Variants in ADAMTSL1 observed in about 807,000 individuals in gnomAD.
ADAMTSL1 encodes the protein ADAMTS like 1, also known as ADAMTS-like protein 1.
Under a neutral mutation model 201.8 loss-of-function variants are expected in ADAMTSL1, and 126 were observed. That is an observed-to-expected ratio of 0.62 (90% CI 0.54 to 0.72). ADAMTSL1 has a LOEUF of 0.72. ADAMTSL1 is among the 30% of genes least tolerant of loss of function. The pLI is 0.00. For synonymous variants in ADAMTSL1, 1,121 were observed against 903.4 expected, an observed-to-expected ratio of 1.24 and a Z score of -4.32; for missense variants, 2,679 against 2,277.8, an observed-to-expected ratio of 1.18 and a Z score of -3.59.
Position 18,828,696 on chromosome 9 carries a change from A to ATATATATATATT in ADAMTSL1, c.4115-1147_4115-1146insTATATATATATT, listed in dbSNP as rs1384860090. ...TATATATATATATATATATATATAA[A>ATATATATATATT]ATGTGTGTGTGTGTATATATATATA... On this transcript the variant is annotated intron_variant, in intron 22 of 28. Transcript: ENST00000380548. Among the ~76,000 whole-genome samples the ATATATATATATT allele has an allele frequency of 2.9e-3, 264 of 91,028 alleles. 9 individuals carry two copies. Among genetic ancestry groups the ATATATATATATT allele is most frequent in the South Asian group, 0.011 (27 of 2,562 alleles). The allele number at this position is 91,028 out of a possible 152,430, so 59.7% of individuals were successfully genotyped here. A position where few individuals can be genotyped will look rare whatever the true frequency, so the allele number is the denominator to read the frequency against.
At chr9:18,552,326 C>T (rs1820838122) in intron 3 of ADAMTSL1, among the ~76,000 whole-genome samples, 1 of 151,772 alleles carries the variant, frequency 6.6e-6, no homozygotes, top group Non-Finnish European at 1.5e-5. Context: ...CCATATGATT[C>T]CTTCAGGTCA....
At chr9:18,222,488 T>C (rs1274274943) in intron 2 of ADAMTSL1, among the ~76,000 whole-genome samples, 1 of 151,902 alleles carries the variant, frequency 6.6e-6, no homozygotes. Context: ...TACAAATAAA[T>C]TCATTTGAAA....
In ADAMTSL1 at chr9:18,640,243, T is replaced by G. The variant is rs996954437; in HGVS notation, c.834+832T>G. Among the ~76,000 whole-genome samples, 8 of 152,142 alleles carry G rather than the reference T, an allele frequency of 5.3e-5. 1 individual carries two copies. The highest frequency in any genetic ancestry group is 1.7e-4 in the African/African-American group (7 of 41,448). ...CGTCTCCATCTGCATGGTAGTTCTT[T>G]TTAATCCAGTCCAGACGCCAGCCAC... On this transcript the variant is annotated intron_variant, in intron 7 of 28. Transcript: ENST00000380548.
intron 2 of ADAMTSL1, among the ~76,000 whole-genome samples, chr9:18,523,941 A>G (rs1428596331): frequency 1.4e-5 from 2 of 138,890 alleles, no homozygotes; most frequent in African/African-American, 2.7e-5. Context: ...TTTTGGTTCC[A>G]TATGAACTTT....
At chr9:18,845,245 C>T (rs1417173617) in intron 23 of ADAMTSL1, among the ~76,000 whole-genome samples, 7 of 152,050 alleles carry the variant, frequency 4.6e-5, no homozygotes, top group Non-Finnish European at 7.4e-5. Flanking sequence ...AGAGGAACTC[C>T]TCACAAATCT....
At chr9:18,636,997 G>T (rs1344466762) in intron 6 of ADAMTSL1, among the ~76,000 whole-genome samples, 1 of 152,084 alleles carries the variant, frequency 6.6e-6, no homozygotes, top group Non-Finnish European at 1.5e-5. Flanking sequence ...CGCTAAAAAG[G>T]CAAACAAGAG....
intron 2 of ADAMTSL1, among the ~76,000 whole-genome samples, chr9:18,236,225 C>T (rs1165303486): frequency 1.3e-5 from 2 of 152,142 alleles, no homozygotes; most frequent in African/African-American, 2.4e-5. Context: ...CACCCACCAC[C>T]ACGCCCGACT....
At position 17,913,007 on chromosome 9, in the gene ADAMTSL1, G is replaced by A. The variant is rs139440185; in HGVS notation, c.87+6085G>A. 3.1e-3 allele frequency among the ~76,000 whole-genome samples: 465 copies of A among 152,178 alleles called. 7 individuals are homozygous for A. The highest frequency in any genetic ancestry group is 0.01 in the African/African-American group (418 of 41,526). On this transcript the variant is annotated intron_variant, in intron 1 of 29. Coordinates refer to the ADAMTSL1 transcript ENST00000680146. The stretch of plus-strand genomic sequence containing the variant: ...GTTCAGATAGTTGTAGATATGTGGC[G>A]TTATTTCTGAGGGCTCTGTTCTGTT...
At chr9:18,389,699 G>A (rs982300470) in intron 2 of ADAMTSL1, among the ~76,000 whole-genome samples, 2 of 152,068 alleles carry the variant, frequency 1.3e-5, no homozygotes, top group African/African-American at 4.8e-5. Flanking sequence ...ATTAATTTCT[G>A]AACACAGGAG....
intron 1 of ADAMTSL1, among the ~76,000 whole-genome samples, chr9:18,485,774 G>A (rs1402126772): frequency 6.6e-6 from 1 of 152,224 alleles, no homozygotes; most frequent in Non-Finnish European, 1.5e-5. Flanking sequence ...CATGCAGGGT[G>A]TTGCAGGCCA....
Position 18,281,546 on chromosome 9 carries a change from G to T in ADAMTSL1, c.207+117565G>T, listed in dbSNP as rs55655032. On this transcript the variant is annotated intron_variant, in intron 2 of 29. Coordinates refer to the ADAMTSL1 transcript ENST00000680146. The stretch of plus-strand genomic sequence containing the variant: ...AGACCCAGTCACAAGGGCCCTTCGC[G>T]ACTGGGCTCAAGAAACACAAAAAGG... Among the ~76,000 whole-genome samples the T allele has an allele frequency of 3.9e-5, 6 of 152,268 alleles. No individual in the cohort carries two copies. In the South Asian group the frequency reaches 1.2e-3, roughly 32 times the overall value.
intron 1 of ADAMTSL1, among the ~76,000 whole-genome samples, chr9:17,977,492 A>T (rs960884740): frequency 1.3e-5 from 2 of 151,990 alleles, no homozygotes; most frequent in East Asian, 1.9e-4. Context: ...GTTTGTTCAG[A>T]TGATCTATTT....
intron 14 of ADAMTSL1, chr9:18,718,526 A>T: frequency 1.9e-6 from 1 of 532,810 alleles, no homozygotes; most frequent in Non-Finnish European, 3.8e-6. Context: ...ATACTCATGC[A>T]TGATGCAAAC....
chr9:18,075,109 C>T (rs532976858), intron 1 of ADAMTSL1, among the ~76,000 whole-genome samples: 1 of 152,166 alleles, frequency 6.6e-6, no homozygotes, highest in East Asian at 1.9e-4. Flanking sequence ...TCTTTCCCTT[C>T]TTTTCATCTT....
chr9:18,076,522 G>A (rs879561154), intron 1 of ADAMTSL1, among the ~76,000 whole-genome samples: 7 of 152,250 alleles, frequency 4.6e-5, no homozygotes, highest in Non-Finnish European at 8.8e-5. Context: ...AATGAGGAAA[G>A]GGGCTTCTCT....
At position 18,454,942 on chromosome 9, in the gene ADAMTSL1, A is replaced by C. The variant is rs1170718777; in HGVS notation, c.208-49887A>C. On this transcript the variant is annotated intron_variant, in intron 2 of 29. Coordinates refer to the ADAMTSL1 transcript ENST00000680146. ...TTGCTCCACATATGGAGGTAAAACA[A>C]AATAGAATTTAATGTTTCACCTGTT... is the stretch of plus-strand genomic sequence containing the variant. 2.6e-5 allele frequency among the ~76,000 whole-genome samples: 4 copies of C among 152,306 alleles called. No homozygotes were observed. In the East Asian group the frequency reaches 7.7e-4, roughly 29 times the overall value.
At chr9:18,435,047 A>G (rs887703678) in intron 2 of ADAMTSL1, among the ~76,000 whole-genome samples, 1 of 152,232 alleles carries the variant, frequency 6.6e-6, no homozygotes. Context: ...TTGTGAATGC[A>G]TAAAAGAGTC....
intron 1 of ADAMTSL1, among the ~76,000 whole-genome samples, chr9:18,096,035 G>A (rs1220591848): frequency 6.6e-6 from 1 of 152,080 alleles, no homozygotes; most frequent in East Asian, 1.9e-4. Flanking sequence ...AGGAGCATAG[G>A]GGATAATCGC....
At chr9:18,517,731 C>T (rs1463463185) in intron 2 of ADAMTSL1, among the ~76,000 whole-genome samples, 1 of 152,118 alleles carries the variant, frequency 6.6e-6, no homozygotes, top group Admixed American at 6.5e-5. Context: ...ATCCATGTCC[C>T]TATCATTTTT....
Sources: gnomAD v4.1 joint callset for allele counts (sites outside exome capture counted in the v4.1 genomes callset) on GRCh38, gnomAD v4.1.1 for gene constraint, MANE v1.5 for transcripts, NCBI Gene and HGNC (gene_info 2026-07-23, HGNC 2026-07-21) for gene names.